EPM2A: variants seen among roughly 807,000 people sequenced by gnomAD.
The protein encoded by EPM2A is laforin.
EPM2A carries 21 observed loss-of-function variants against 26.5 expected under a neutral mutation model. The ratio of observed to expected loss-of-function variants is 0.79; its 90% CI spans 0.56 to 1.14. EPM2A has a LOEUF of 1.14. Ranked by LOEUF, EPM2A falls within the 50% of genes most tolerant of loss-of-function variation. The pLI is 0.00. For missense variants in EPM2A, 458 were observed against 440.8 expected, an observed-to-expected ratio of 1.04 and a Z score of -0.35; for synonymous variants, 217 against 177.6, an observed-to-expected ratio of 1.22 and a Z score of -1.76.
chr6:145,619,959 A>G (rs1582902491), intron 2 of EPM2A, among the ~76,000 whole-genome samples: 1 of 152,208 alleles, frequency 6.6e-6, no homozygotes, highest in South Asian at 2.1e-4. Context: ...TCTAAATATT[A>G]TCAGAAATCC....
intron 1 of EPM2A, chr6:145,722,767 A>G (rs1167077029): frequency 2.2e-6 from 1 of 454,180 alleles, no homozygotes; most frequent in Non-Finnish European, 4.4e-6. Context: ...GGGTGGCCCC[A>G]ATCCAATATG....
At chr6:145,622,878 AT>A (rs1775667163), downstream of EPM2A, among the ~76,000 whole-genome samples, 1 of 152,206 alleles carries the variant, frequency 6.6e-6, no homozygotes, top group African/African-American at 2.4e-5. Flanking sequence ...GTGAACAGAG[AT>A]TATAATGGGT....
intron 4 of EPM2A, among the ~76,000 whole-genome samples, chr6:145,399,227 A>G (rs1184613426): frequency 6.6e-6 from 1 of 152,166 alleles, no homozygotes; most frequent in Non-Finnish European, 1.5e-5. Flanking sequence ...CCCATTATTT[A>G]GTTCATCAAT....
chr6:145,462,529 AC>A (rs1393507365), intron 4 of EPM2A, among the ~76,000 whole-genome samples: 4 of 152,192 alleles, frequency 2.6e-5, no homozygotes, highest in African/African-American at 9.6e-5. Flanking sequence ...TCACATACCT[AC>A]CTTGAGCAAC....
chr6:145,722,654 C>A (rs1776002695), intron 1 of EPM2A: 1 of 385,998 alleles, frequency 2.6e-6, no homozygotes, highest in African/African-American at 2.2e-5. Context: ...AGCTGTGTCC[C>A]CCAAAATTCA....
chr6:145,621,525 A>G (rs1204303297), downstream of EPM2A, among the ~76,000 whole-genome samples: 1 of 152,208 alleles, frequency 6.6e-6, no homozygotes, highest in Non-Finnish European at 1.5e-5. Flanking sequence ...ATTGTTTTCC[A>G]TAACGGCTGT....
At chr6:145,687,021 C>A (rs568564017) in intron 1 of EPM2A, 1 of 152,372 alleles carries the variant, frequency 6.6e-6, no homozygotes, top group South Asian at 2.1e-4. Flanking sequence ...GAAGCAGACA[C>A]ACATCTCTAA....
chr6:145,572,769 G>A (rs759799853), intron 2 of EPM2A, among the ~76,000 whole-genome samples: 14 of 152,296 alleles, frequency 9.2e-5, no homozygotes, highest in South Asian at 8.3e-4. Flanking sequence ...TGACCCAAGT[G>A]GCAGAGCAGC....
intron 4 of EPM2A, chr6:145,490,226 A>C (rs1779737214): frequency 1.7e-6 from 2 of 1,183,996 alleles, no homozygotes; most frequent in Non-Finnish European, 2.4e-6. Flanking sequence ...ACTTCCTTGC[A>C]TAAACCACAA....
intron 2 of EPM2A, among the ~76,000 whole-genome samples, chr6:145,608,536 C>T (rs567323854): frequency 3.9e-4 from 59 of 152,122 alleles, no homozygotes; most frequent in African/African-American, 1.3e-3. Context: ...TTCAAGATCC[C>T]GGTAAATGAG....
chr6:145,583,373 T>C (rs1781142151), intron 2 of EPM2A, among the ~76,000 whole-genome samples: 1 of 152,136 alleles, frequency 6.6e-6, no homozygotes, highest in Non-Finnish European at 1.5e-5. Context: ...TTGATTGTGG[T>C]ATAAGATGGG....
chr6:145,654,913 A>C (rs1778154043), intron 2 of EPM2A, among the ~76,000 whole-genome samples: 1 of 151,984 alleles, frequency 6.6e-6, no homozygotes, highest in Non-Finnish European at 1.5e-5. Context: ...ACAAATTTGG[A>C]CTTTTTTTTT....
At chr6:145,489,160 A>G (rs1779723442) in intron 4 of EPM2A, among the ~76,000 whole-genome samples, 1 of 152,212 alleles carries the variant, frequency 6.6e-6, no homozygotes. Context: ...AAAGAAAGCC[A>G]AAATTTAACT....
intron 2 of EPM2A, among the ~76,000 whole-genome samples, chr6:145,667,974 T>C (rs1486145342): frequency 1.4e-5 from 2 of 138,738 alleles, no homozygotes; most frequent in Non-Finnish European, 3.0e-5. Context: ...TGAGATCACA[T>C]GGACACATGA....
chr6:145,591,417 T>C (rs1781271811), intron 2 of EPM2A, among the ~76,000 whole-genome samples: 1 of 152,028 alleles, frequency 6.6e-6, no homozygotes, highest in Admixed American at 6.6e-5. Context: ...TCTTCAACTC[T>C]AGAAACCCAA....
intron 2 of EPM2A, among the ~76,000 whole-genome samples, chr6:145,675,489 G>A (rs1779965905): frequency 6.6e-6 from 1 of 152,076 alleles, no homozygotes; most frequent in Admixed American, 6.5e-5. Context: ...ACACAGACTG[G>A]CAAATTAGAT....
chr6:145,634,462 TC>T (rs1434911811), intron 3 of EPM2A: 2 of 152,694 alleles, frequency 1.3e-5, no homozygotes, highest in Admixed American at 6.6e-5. Context: ...AATGTGCTCT[TC>T]CCATGCATAA....
chr6:145,734,404 T>C (rs183070701), intron 1 of EPM2A, among the ~76,000 whole-genome samples: 38 of 152,260 alleles, frequency 2.5e-4, no homozygotes, highest in African/African-American at 6.5e-4. Flanking sequence ...GTACAAGCAG[T>C]GTGCTTAAGA....
intron 3 of EPM2A, among the ~76,000 whole-genome samples, chr6:145,502,171 C>T (rs1779899306): frequency 6.6e-6 from 1 of 152,124 alleles, no homozygotes; most frequent in Non-Finnish European, 1.5e-5. Flanking sequence ...CTTTGGAAGT[C>T]AATTAAAGGA....
Sources: allele counts gnomAD v4.1 joint callset (sites outside exome capture counted in the v4.1 genomes callset), GRCh38; gene constraint gnomAD v4.1.1; transcripts MANE v1.5; gene names NCBI Gene and HGNC (gene_info 2026-07-23, HGNC 2026-07-21).